SGCD: variants seen among roughly 807,000 people sequenced by gnomAD.
SGCD encodes the protein delta-sarcoglycan.
SGCD carries 18 observed loss-of-function variants against 36.6 expected under a neutral mutation model. That is an observed-to-expected ratio of 0.49 (90% CI 0.34 to 0.73). The LOEUF is 0.73. SGCD is among the 30% of genes least tolerant of loss of function. SGCD has a pLI of 0.01. For synonymous variants in SGCD, 133 were observed against 130.6 expected, an observed-to-expected ratio of 1.02 and a Z score of -0.12; for missense variants, 387 against 346.7, an observed-to-expected ratio of 1.12 and a Z score of -0.92.
At chr5:156,143,081 C>T (rs1437084901) in intron 3 of SGCD, among the ~76,000 whole-genome samples, 1 of 152,244 alleles carries the variant, frequency 6.6e-6, no homozygotes, top group East Asian at 1.9e-4. Flanking sequence ...TCCAAGGCCC[C>T]ATTTCCCTGA....
At chr5:156,102,816 G>A (rs1359916659) in intron 1 of SGCD, among the ~76,000 whole-genome samples, 1 of 152,072 alleles carries the variant, frequency 6.6e-6, no homozygotes, top group Admixed American at 6.5e-5. Flanking sequence ...ATGATTGGGT[G>A]TGTGCGTATA....
chr5:155,907,762 A>G (rs1049980057), intron 1 of SGCD, among the ~76,000 whole-genome samples: 2 of 152,174 alleles, frequency 1.3e-5, no homozygotes, highest in African/African-American at 2.4e-5. Context: ...TGAGGATGCT[A>G]TGAACATTTT....
intron 1 of SGCD, among the ~76,000 whole-genome samples, chr5:156,049,296 T>C (rs1759856065): frequency 6.8e-6 from 1 of 146,050 alleles, no homozygotes; most frequent in Non-Finnish European, 1.5e-5. Context: ...TAGGATTGAC[T>C]TGGTGATGCG....
At chr5:156,071,376 A>G (rs1760556892) in intron 1 of SGCD, among the ~76,000 whole-genome samples, 1 of 152,044 alleles carries the variant, frequency 6.6e-6, no homozygotes, top group Non-Finnish European at 1.5e-5. Flanking sequence ...TTCTGCCTTC[A>G]TTTCGTGATG....
chr5:155,768,682 C>T, the SGCD span, among the ~76,000 whole-genome samples: 1 of 152,094 alleles, frequency 6.6e-6, no homozygotes, highest in Admixed American at 6.6e-5. Context: ...CACAGAAAAT[C>T]ACTTGTCTCC....
At chr5:155,809,942 CTAAATGAAAAGTACAG>C in the SGCD span, among the ~76,000 whole-genome samples, 1 of 152,054 alleles carries the variant, frequency 6.6e-6, no homozygotes, top group Admixed American at 6.6e-5. Flanking sequence ...GTCTCTTGTC[CTAAATGAAAAGTACAG>C]TAAATGAACC....
At chr5:156,304,545 G>C (rs10056813) in intron 3 of SGCD, among the ~76,000 whole-genome samples, 13,088 of 152,160 alleles carry the variant, frequency 0.086, 582 homozygotes, top group South Asian at 0.17. Context: ...TTTGTAAATT[G>C]CCCAGTCTCA....
At chr5:156,335,479 G>A (rs936506250) in intron 2 of SGCD, among the ~76,000 whole-genome samples, 4 of 152,132 alleles carry the variant, frequency 2.6e-5, no homozygotes, top group African/African-American at 9.7e-5. Context: ...AAAGATTCAT[G>A]TCCCGAAGCC....
intron 7 of SGCD, among the ~76,000 whole-genome samples, chr5:156,687,027 A>T (rs906480592): frequency 6.6e-6 from 1 of 152,220 alleles, no homozygotes; most frequent in Non-Finnish European, 1.5e-5. Context: ...CACCTGCTTC[A>T]GTAATCAGCA....
the SGCD span, among the ~76,000 whole-genome samples, chr5:155,773,865 G>A: frequency 6.6e-6 from 1 of 152,124 alleles, no homozygotes; most frequent in Non-Finnish European, 1.5e-5. Context: ...CGAAGGTCAT[G>A]ATGATGTCAC....
At chr5:155,876,065 A>G (rs1307280541) in intron 1 of SGCD, among the ~76,000 whole-genome samples, 1 of 136,244 alleles carries the variant, frequency 7.3e-6, no homozygotes, top group Non-Finnish European at 1.6e-5. Context: ...TTTTTTTATT[A>G]TACTTTAAGT....
chr5:155,857,713 A>T, the SGCD span, among the ~76,000 whole-genome samples: 132 of 152,212 alleles, frequency 8.7e-4, no homozygotes, highest in Non-Finnish European at 1.6e-3. Context: ...AAAATAGATT[A>T]TAAAGGGACT....
intron 1 of SGCD, among the ~76,000 whole-genome samples, chr5:156,104,064 G>T (rs563643131): frequency 1.8e-4 from 27 of 152,064 alleles, no homozygotes; most frequent in African/African-American, 6.5e-4. Flanking sequence ...TATTATTTTA[G>T]AATATTTTAC....
At chr5:156,350,388 G>A (rs4404663) in intron 3 of SGCD, among the ~76,000 whole-genome samples, 24,818 of 151,172 alleles carry the variant, frequency 0.16, 2,181 homozygotes, top group Middle Eastern at 0.26. Context: ...GTGTAATGAC[G>A]AACTATAAGA....
chr5:156,516,229 C>CCA (rs2127887907), intron 4 of SGCD, among the ~76,000 whole-genome samples: 1 of 149,844 alleles, frequency 6.7e-6, no homozygotes, highest in African/African-American at 2.5e-5. Flanking sequence ...AGACCCCCCA[C>CCA]ACACACACCC....
chr5:156,213,412 A>G (rs979479018), intron 3 of SGCD, among the ~76,000 whole-genome samples: 1 of 152,082 alleles, frequency 6.6e-6, no homozygotes, highest in Non-Finnish European at 1.5e-5. Flanking sequence ...CCATGACCAA[A>G]TCATGAATAC....
chr5:156,685,640 C>T (rs1296579981), intron 7 of SGCD, among the ~76,000 whole-genome samples: 1 of 152,194 alleles, frequency 6.6e-6, no homozygotes, highest in Admixed American at 6.5e-5. Flanking sequence ...AAGCTTACCT[C>T]ATGCATGCAT....
chr5:156,348,864 A>G (rs932725265), intron 3 of SGCD, among the ~76,000 whole-genome samples: 2 of 152,222 alleles, frequency 1.3e-5, no homozygotes, highest in African/African-American at 4.8e-5. Flanking sequence ...CTACAAGGCT[A>G]TAGTAACCAA....
At chr5:155,941,161 C>T (rs952824361) in intron 1 of SGCD, among the ~76,000 whole-genome samples, 5 of 152,184 alleles carry the variant, frequency 3.3e-5, no homozygotes, top group African/African-American at 1.2e-4. Context: ...ACTTTTATAA[C>T]AAACCCACTC....
Sources: allele counts gnomAD v4.1 joint callset (sites outside exome capture counted in the v4.1 genomes callset), GRCh38; gene constraint gnomAD v4.1.1; transcripts MANE v1.5; gene names NCBI Gene and HGNC (gene_info 2026-07-23, HGNC 2026-07-21).